GPSM2: variants seen among roughly 807,000 people sequenced by gnomAD.
GPSM2 encodes the protein G protein signaling modulator 2.
In GPSM2, 58 loss-of-function variants were observed where a neutral mutation model predicts 78.4. That is an observed-to-expected ratio of 0.74 (90% CI 0.60 to 0.92). The LOEUF (loss-of-function observed/expected upper bound fraction) is 0.92, where lower values mean the gene tolerates loss of function less well. GPSM2 is among the 40% of genes least tolerant of loss of function. The pLI is 0.00. For missense variants in GPSM2, 700 were observed against 815.5 expected (o/e 0.86, Z 1.73); for synonymous variants, 224 against 280.2 (o/e 0.80, Z 2.00).
intron 10 of GPSM2, among the ~76,000 whole-genome samples, 166 bp downstream of exon 10, chr1:108,904,420 A>G (rs1229823795): frequency 1.3e-5 from 2 of 148,432 alleles, no homozygotes; most frequent in African/African-American, 4.9e-5. Context: ...TATTACAATT[A>G]TATATTTTGT....
chr1:108,905,902 T>G (rs919824525), intron 10 of GPSM2, among the ~76,000 whole-genome samples: 2 of 152,212 alleles, frequency 1.3e-5, no homozygotes, highest in Non-Finnish European at 2.9e-5. Context: ...TTAATTAAAA[T>G]GTAGAGAGCC....
At position 108,899,082 on chromosome 1, in the gene GPSM2, A is replaced by G. The variant is rs1030043819; in HGVS notation, c.797+88A>G. Reference sequence around the variant, plus strand: ...TTTAGGTTTAAAATCTGATTGTAGCAGAACTTTTGGCATCTAAGCCTCAAT... The same window carrying G: ...TTTAGGTTTAAAATCTGATTGTAGCGGAACTTTTGGCATCTAAGCCTCAAT... On this transcript the variant is annotated intron_variant, in intron 7 of 14. Coordinates refer to ENST00000264126, the MANE Select transcript of GPSM2 (RefSeq NM_013296.5). 2.1e-5 allele frequency: 17 copies of G among 823,906 alleles called. No homozygotes were observed. The African/African-American group carries it at 2.9e-4, about 14-fold the overall frequency. The allele number at this position is 823,906 out of a possible 1,614,324, so 51.0% of individuals were successfully genotyped here.
intron 14 of GPSM2, among the ~76,000 whole-genome samples, chr1:108,924,669 A>ATCT: frequency 6.6e-6 from 1 of 152,188 alleles, no homozygotes; most frequent in African/African-American, 2.4e-5. Flanking sequence ...CTAGAGAAAG[A>ATCT]GTATTCCATG....
chr1:108,912,757 G>A (rs1690722), intron 10 of GPSM2, among the ~76,000 whole-genome samples: 28,263 of 151,392 alleles, frequency 0.19, 3,005 homozygotes, highest in African/African-American at 0.28. Context: ...AAAAGAGATC[G>A]GGGGCCGGCC....
chr1:108,898,812 C>G, intron 6 of GPSM2, 47 bp downstream of exon 6: 1 of 1,609,646 alleles, frequency 6.2e-7, no homozygotes, highest in Non-Finnish European at 8.5e-7. Flanking sequence ...CATCAAAGTT[C>G]TGAACAGTGA....
chr1:108,924,765 A>G (rs1208275274), intron 14 of GPSM2, among the ~76,000 whole-genome samples: 1 of 151,938 alleles, frequency 6.6e-6, no homozygotes, highest in Non-Finnish European at 1.5e-5. Flanking sequence ...GAGTAGGGGA[A>G]GGGAAGAGTT....
At chr1:108,900,761 GAA>G (rs1648746503) in intron 7 of GPSM2, among the ~76,000 whole-genome samples, 4 of 152,118 alleles carry the variant, frequency 2.6e-5, no homozygotes, top group African/African-American at 9.7e-5. Flanking sequence ...AAAAATATTT[GAA>G]AAGACAGGCA....
rs778463129 is a variant in GPSM2, at chr1:108,914,356, G to T, written c.1211G>T (p.Gly404Val). The change falls in exon 11 of 15, where the codon GGA (glycine) becomes GTA (valine). Residue 404 changes from glycine (G) to valine (V), a missense_variant. Coordinates refer to ENST00000264126, the MANE Select transcript of GPSM2 (RefSeq NM_013296.5). ...AACAAAGGTGTACGCCCCAAGTTGG[G>T]ACGCCGGCATAGTATGGAAAATATG... ...SSLNGVRPKLGRRHSMENMEL... is the reference protein window; with the variant it reads ...SSLNGVRPKLVRRHSMENMEL... The T allele has an allele frequency of 6.2e-7, 1 of 1,612,456 alleles. No homozygotes were observed. The highest frequency in any genetic ancestry group is 8.5e-7 in the Non-Finnish European group (1 of 1,178,662).
intron 14 of GPSM2, chr1:108,926,617 CATAAT>C (rs1415681877): frequency 2.0e-5 from 3 of 151,948 alleles, no homozygotes; most frequent in East Asian, 3.9e-4. Flanking sequence ...CAGTGTAACA[CATAAT>C]ATAAACAGAA....
intron 2 of GPSM2, among the ~76,000 whole-genome samples, chr1:108,891,498 T>A (rs1647964267): frequency 2.0e-5 from 3 of 152,040 alleles, no homozygotes. Context: ...AGGTTATTTT[T>A]ATTTTATTTT....
At chr1:108,882,958 C>G (rs1006830618) in intron 1 of GPSM2, among the ~76,000 whole-genome samples, 3 of 152,088 alleles carry the variant, frequency 2.0e-5, no homozygotes, top group Admixed American at 2.0e-4. Flanking sequence ...GTCCCAGCTA[C>G]TTGGGAGGTT....
At chr1:108,927,774 A>C (rs1210516968) in intron 14 of GPSM2, among the ~76,000 whole-genome samples, 1 of 152,172 alleles carries the variant, frequency 6.6e-6, no homozygotes, top group African/African-American at 2.4e-5. Context: ...GTTCAAGACT[A>C]GACTGGGCAG....
Position 108,934,486 on chromosome 1 carries a change from C to G in GPSM2, c.*4546C>G, listed in dbSNP as rs1048888661. ...GAGAAGATGAAATGAAAAGCTTTTA[C>G]ATATATAACGTGTTTGTTAATTCTA... On this transcript the variant is annotated 3_prime_UTR_variant, in exon 15 of 15. Transcript: ENST00000264126. 2.3e-5 allele frequency: 14 copies of G among 607,424 alleles called. No individual in the cohort carries two copies. The African/African-American group carries it at 2.6e-4, about 11-fold the overall frequency. The allele number at this position is 607,424 out of a possible 1,614,324, so 37.6% of individuals were successfully genotyped here.
At chr1:108,879,791 G>T (rs1008893497) in intron 1 of GPSM2, among the ~76,000 whole-genome samples, 8 of 152,136 alleles carry the variant, frequency 5.3e-5, no homozygotes, top group Non-Finnish European at 1.5e-5. Context: ...CTCCAGCCCG[G>T]GTGACAGATC....
intron 11 of GPSM2, 109 bp downstream of exon 11, chr1:108,914,517 C>A: frequency 1.3e-6 from 1 of 798,442 alleles, no homozygotes; most frequent in Non-Finnish European, 2.0e-6. Flanking sequence ...ATAGGTATCA[C>A]TTTAAAATTT....
chr1:108,917,047 G>A (rs1054585768), intron 11 of GPSM2, among the ~76,000 whole-genome samples: 2 of 152,100 alleles, frequency 1.3e-5, no homozygotes, highest in Admixed American at 6.6e-5. Context: ...GCTTCGCCCT[G>A]TATTCTTGTT....
intron 1 of GPSM2, among the ~76,000 whole-genome samples, chr1:108,879,814 CAAAAA>C (rs1160622842): frequency 6.7e-6 from 1 of 150,212 alleles, no homozygotes; most frequent in Admixed American, 6.6e-5. Context: ...GACTCCATCT[CAAAAA>C]AAAAGGGGGG....
chr1:108,921,460 A>G (rs1390425997), intron 12 of GPSM2, among the ~76,000 whole-genome samples: 1 of 151,628 alleles, frequency 6.6e-6, no homozygotes, highest in Non-Finnish European at 1.5e-5. Flanking sequence ...CCTAGTACTT[A>G]CTCTCTTACC....
Position 108,933,999 on chromosome 1 carries a change from C to T in GPSM2, c.*4059C>T, listed in dbSNP as rs1652447367. 6.6e-6 allele frequency: 1 copy of T among 152,202 alleles called. No homozygotes were observed. Among genetic ancestry groups the T allele is most frequent in the South Asian group, 2.1e-4 (1 of 4,834 alleles). 9.4% of individuals were successfully genotyped at this position (152,202 alleles called of 1,614,324 possible). ...AATTGGTGGGGGAAAAGAATAAAGT[C>T]ATTTTCAGTCGACTGACTCTGTAAA... On this transcript the variant is annotated 3_prime_UTR_variant, in exon 15 of 15. Coordinates refer to ENST00000264126, the MANE Select transcript of GPSM2 (RefSeq NM_013296.5).
Sources: gnomAD v4.1 joint callset for allele counts (sites outside exome capture counted in the v4.1 genomes callset) on GRCh38, gnomAD v4.1.1 for gene constraint, MANE v1.5 for transcripts, NCBI Gene and HGNC (gene_info 2026-07-23, HGNC 2026-07-21) for gene names.